KDM2B: variants seen among roughly 807,000 people sequenced by gnomAD.
The protein encoded by KDM2B is lysine-specific demethylase 2B.
Under a neutral mutation model 150.0 loss-of-function variants are expected in KDM2B, and 26 were observed. The ratio of observed to expected loss-of-function variants is 0.17; its 90% CI spans 0.13 to 0.24. The LOEUF (loss-of-function observed/expected upper bound fraction) is 0.24. Among genes scored for constraint, KDM2B ranks in the 10% least tolerant of loss-of-function variants. KDM2B has a pLI of 1.00. For synonymous variants in KDM2B, 734 were observed against 729.5 expected (o/e 1.01, Z -0.10); for missense variants, 1,265 against 1,816.9 (o/e 0.70, Z 5.52).
chr12:121,479,175 CG>C, intron 12 of KDM2B, among the ~76,000 whole-genome samples: 1 of 151,652 alleles, frequency 6.6e-6, no homozygotes, highest in East Asian at 2.0e-4. Context: ...CTTGGCCGGG[CG>C]CGGTGGCTCA....
rs141475621 is a variant in KDM2B at position 121,521,281 on chromosome 12, C to G, written c.932-181G>C. ...TGCACAACGCCCAGGCCTGAGCCGC[C>G]GAGAGGACTCAGACTTGCAGCCTCG... On this transcript the variant is annotated intron_variant, in intron 8 of 22. Coordinates refer to ENST00000377071, the MANE Select transcript of KDM2B (RefSeq NM_032590.5). This position sits in a 1 kb window ranked among gnomAD's most constrained non-coding sequence, Gnocchi z 4.9. Among the ~76,000 whole-genome samples the G allele has an allele frequency of 0.01, 1,544 of 152,282 alleles. 21 individuals carry two copies. The highest frequency in any genetic ancestry group is 0.032 in the African/African-American group (1,344 of 41,564).
downstream of KDM2B, among the ~76,000 whole-genome samples, chr12:121,424,674 G>A (rs1412257641): frequency 2.1e-5 from 3 of 139,700 alleles, no homozygotes; most frequent in East Asian, 6.3e-4. Flanking sequence ...TCACACCACT[G>A]AAATCCAACT....
At position 121,444,608 on chromosome 12, in the gene KDM2B, G is replaced by C. The variant is rs1285805857; in HGVS notation, c.2104-72C>G. 1.0e-5 allele frequency: 13 copies of C among 1,278,878 alleles called. No individual in the cohort carries two copies. The East Asian group carries it at 2.8e-4, about 27-fold the overall frequency. The allele number at this position is 1,278,878 out of a possible 1,614,324, so 79.2% of individuals were successfully genotyped here. A position where few individuals can be genotyped will look rare whatever the true frequency, so the allele number is the denominator to read the frequency against. ...GCCCACGGGCACAAGGCTCTGTGAC[G>C]CCACGTCTTCCAGAAGCAGCAGCAC... On this transcript the variant is annotated intron_variant, in intron 14 of 22. Coordinates refer to ENST00000377071, the MANE Select transcript of KDM2B (RefSeq NM_032590.5).
In KDM2B at chr12:121,533,155, G is replaced by C. The variant is rs1887806025; in HGVS notation, c.778-196C>G. On this transcript the variant is annotated intron_variant, in intron 7 of 22. Coordinates refer to ENST00000377071, the MANE Select transcript of KDM2B (RefSeq NM_032590.5). This position sits in a 1 kb window ranked among gnomAD's most constrained non-coding sequence, Gnocchi z 4.1. ...CTAGAGCCTCTGGGGAGGCAGGAAGGGCTGTGCCCACCTTCAGGGAACCTC... is the reference window on the plus strand; with the variant it reads ...CTAGAGCCTCTGGGGAGGCAGGAAGCGCTGTGCCCACCTTCAGGGAACCTC... Among the ~76,000 whole-genome samples the C allele has an allele frequency of 6.6e-6, 1 of 152,194 alleles. No individual in the cohort carries two copies. The highest frequency in any genetic ancestry group is 2.4e-5 in the African/African-American group (1 of 41,444).
chr12:121,417,803 T>G, the KDM2B span: 12 of 1,614,124 alleles, frequency 7.4e-6, no homozygotes, highest in Non-Finnish European at 1.0e-5. The surrounding 1 kb of genome is among the most constrained non-coding windows in gnomAD (Gnocchi z 5.0). Flanking sequence ...CTAGCTTTTT[T>G]ACACGTTCGT....
At chr12:121,477,386 T>C (rs782820060) in intron 12 of KDM2B, among the ~76,000 whole-genome samples, 48 of 151,976 alleles carry the variant, frequency 3.2e-4, no homozygotes, top group Non-Finnish European at 5.9e-4. Context: ...TATGTATATA[T>C]GTATTTATTT....
rs1555317388 is a variant in KDM2B, at chr12:121,578,920, G to A, written c.153C>T (p.Asp51=). Residue 51 remains aspartate (D), a synonymous_variant, in exon 2 of 23, where the codon GAC becomes GAT. Coordinates refer to ENST00000377071, the MANE Select transcript of KDM2B (RefSeq NM_032590.5). ...CCACGTCCGACAAGTCCTCGTTCTC[G>A]TCGTATCGCTGGCGGTCAATCGGGC... The part of the protein sequence containing the change: ...TQRPIDRQRY[D]ENEDLSDVEE... 1 of 1,612,668 alleles carries A rather than the reference G, an allele frequency of 6.2e-7. No individual in the cohort carries two copies.
At chr12:121,562,483 CA>C (rs1424656829) in intron 4 of KDM2B, among the ~76,000 whole-genome samples, 4 of 150,536 alleles carry the variant, frequency 2.7e-5, no homozygotes, top group East Asian at 3.9e-4. Flanking sequence ...GACTCTGTCT[CA>C]AAAAAAAAGT....
chr12:121,537,767 G>A lies in KDM2B; in HGVS notation c.684-3177C>T, dbSNP rs1467571824. 6.6e-6 allele frequency among the ~76,000 whole-genome samples: 1 copy of A among 152,010 alleles called. No homozygotes were observed. The highest frequency in any genetic ancestry group is 1.9e-4 in the East Asian group (1 of 5,164). ...GGGGCGCGGGAGGTGCCAAGAGCGC[G>A]CCGCACACTCGCACCCGACCCCGGG... On this transcript the variant is annotated intron_variant, in intron 6 of 22. Transcript: ENST00000377071. This position sits in a 1 kb window ranked among gnomAD's most constrained non-coding sequence, Gnocchi z 8.7.
chr12:121,566,585 C>T (rs190736430), intron 4 of KDM2B, among the ~76,000 whole-genome samples: 2 of 152,108 alleles, frequency 1.3e-5, no homozygotes, highest in African/African-American at 4.8e-5. Flanking sequence ...CGCGCCAATG[C>T]ACTCCAGCCC....
intron 6 of KDM2B, chr12:121,536,140 G>T: frequency 2.0e-6 from 2 of 981,660 alleles, no homozygotes; most frequent in Non-Finnish European, 2.4e-6. Flanking sequence ...CGGGGAGTGG[G>T]GCTGAGCTGG....
intron 4 of KDM2B, among the ~76,000 whole-genome samples, chr12:121,554,680 G>A (rs543386257): frequency 9.2e-5 from 14 of 152,102 alleles, no homozygotes; most frequent in African/African-American, 2.9e-4. Context: ...CAAAGTGCTG[G>A]GATTACAGGC....
chr12:121,418,519 T>C, the KDM2B span: 1 of 152,306 alleles, frequency 6.6e-6, no homozygotes, highest in Non-Finnish European at 1.5e-5. Context: ...TTTGAACAAA[T>C]TTTTTCACGC....
chr12:121,552,335 T>C (rs1555311943), intron 4 of KDM2B, among the ~76,000 whole-genome samples: 1 of 152,012 alleles, frequency 6.6e-6, no homozygotes, highest in South Asian at 2.1e-4. Flanking sequence ...TCCTCTCCCA[T>C]CCCCCGAATA....
intron 6 of KDM2B, among the ~76,000 whole-genome samples, chr12:121,542,082 A>G (rs1555309848): frequency 1.3e-5 from 2 of 152,206 alleles, no homozygotes; most frequent in African/African-American, 4.8e-5. Flanking sequence ...AGCAAACAAT[A>G]TGTGACTTTC....
the KDM2B span, chr12:121,416,566 T>C: frequency 1.9e-6 from 1 of 537,060 alleles, no homozygotes; most frequent in African/African-American, 1.9e-5. Context: ...TTTATAGACA[T>C]TGTTTCTCAT....
intron 12 of KDM2B, among the ~76,000 whole-genome samples, chr12:121,474,296 G>C (rs534260750): frequency 1.1e-4 from 16 of 151,686 alleles, no homozygotes; most frequent in Middle Eastern, 3.5e-3. Context: ...GGCAGATCAC[G>C]AGGTCGGGAG....
intron 6 of KDM2B, chr12:121,536,108 G>A (rs1888072341): frequency 3.0e-6 from 3 of 985,714 alleles, no homozygotes; most frequent in Non-Finnish European, 3.6e-6. Flanking sequence ...CCAGCAGCGC[G>A]CCGGCACGAG....
intron 4 of KDM2B, among the ~76,000 whole-genome samples, chr12:121,558,500 C>G (rs544197826): frequency 5.1e-4 from 75 of 147,256 alleles, no homozygotes; most frequent in East Asian, 7.9e-4. Flanking sequence ...GTTGCCCAGG[C>G]TAGAGTACAG....
Sources: allele counts gnomAD v4.1 joint callset (sites outside exome capture counted in the v4.1 genomes callset), GRCh38; gene constraint gnomAD v4.1.1; non-coding constraint Gnocchi (gnomAD v3.1); transcripts MANE v1.5; gene names NCBI Gene and HGNC (gene_info 2026-07-23, HGNC 2026-07-21).